The following CIMIP4 variants were observed in gnomAD, a reference collection of about 807,000 sequenced individuals.
The protein encoded by CIMIP4 is protein EAN57.
chr22:36,992,278 C>T, the CIMIP4 span, among the ~76,000 whole-genome samples: 2 of 152,072 alleles, frequency 1.3e-5, no homozygotes, highest in African/African-American at 2.4e-5. Flanking sequence ...ACCCGGGAGG[C>T]GGAGGTTGCA....
chr22:37,001,830 A>C, the CIMIP4 span: 1 of 1,561,604 alleles, frequency 6.4e-7, no homozygotes, highest in South Asian at 1.2e-5. Flanking sequence ...GGCCCCTGCT[A>C]TGACACCTGC....
chr22:36,993,733 AAAAAGAAAAG>A, the CIMIP4 span, among the ~76,000 whole-genome samples: 2 of 152,092 alleles, frequency 1.3e-5, no homozygotes, highest in African/African-American at 4.8e-5. Flanking sequence ...CATCTCAAAA[AAAAAGAAAAG>A]AAAAGAAAAG....
the CIMIP4 span, among the ~76,000 whole-genome samples, chr22:36,996,263 C>T: frequency 2.6e-5 from 4 of 152,122 alleles, no homozygotes; most frequent in East Asian, 1.9e-4. Context: ...GCCATTATTA[C>T]TATTCAAAAG....
the CIMIP4 span, chr22:36,991,431 G>T: frequency 1.9e-6 from 3 of 1,588,878 alleles, no homozygotes; most frequent in Non-Finnish European, 2.6e-6. Flanking sequence ...AACACACCCT[G>T]CTGGTGGAGG....
At chr22:36,995,249 GC>G in the CIMIP4 span, among the ~76,000 whole-genome samples, 1 of 152,230 alleles carries the variant, frequency 6.6e-6, no homozygotes, top group African/African-American at 2.4e-5. Flanking sequence ...CTACCATTCT[GC>G]CTGCTCTGTG....
chr22:37,002,187 A>T, the CIMIP4 span: 21 of 1,489,240 alleles, frequency 1.4e-5, no homozygotes, highest in Admixed American at 5.0e-5. Context: ...TGTGGGGATG[A>T]CAGACCCTGG....
chr22:36,996,273 G>C, the CIMIP4 span, among the ~76,000 whole-genome samples: 1 of 151,888 alleles, frequency 6.6e-6, no homozygotes. Flanking sequence ...CTATTCAAAA[G>C]CACTCCTAAA....
At chr22:36,999,909 C>G in the CIMIP4 span, 1 of 1,613,908 alleles carries the variant, frequency 6.2e-7, no homozygotes, top group African/African-American at 1.3e-5. Flanking sequence ...GAGATTTCCA[C>G]AGGATTCTGG....
the CIMIP4 span, chr22:37,002,246 T>G: frequency 6.9e-7 from 1 of 1,448,360 alleles, no homozygotes; most frequent in Non-Finnish European, 9.1e-7. Flanking sequence ...TTTCCAGGGG[T>G]CCAAGTCCTG....
At chr22:36,994,885 C>T in the CIMIP4 span, among the ~76,000 whole-genome samples, 1 of 152,184 alleles carries the variant, frequency 6.6e-6, no homozygotes, top group Non-Finnish European at 1.5e-5. Flanking sequence ...CCGCCTCGGC[C>T]TCCCAAAGTG....
At chr22:36,999,587 G>T in the CIMIP4 span, among the ~76,000 whole-genome samples, 2 of 56,442 alleles carry the variant, frequency 3.5e-5, no homozygotes, top group Non-Finnish European at 6.8e-5. Flanking sequence ...GGGGAGGGGG[G>T]GATGGGAGGG....
At chr22:37,002,332 GA>G in the CIMIP4 span, 1 of 1,265,680 alleles carries the variant, frequency 7.9e-7, no homozygotes, top group Non-Finnish European at 1.0e-6. Context: ...AACAGAGGGG[GA>G]GGGAGAGAGA....
chr22:37,001,388 A>T, the CIMIP4 span, among the ~76,000 whole-genome samples: 1 of 152,058 alleles, frequency 6.6e-6, no homozygotes, highest in Non-Finnish European at 1.5e-5. Context: ...ATTCAAACGC[A>T]CGTCTTCTGA....
the CIMIP4 span, chr22:37,007,735 A>G: frequency 6.6e-6 from 1 of 152,268 alleles, no homozygotes; most frequent in Non-Finnish European, 1.5e-5. Flanking sequence ...TCACCTCTCC[A>G]ATCTCTTTCA....
the CIMIP4 span, among the ~76,000 whole-genome samples, chr22:36,991,898 C>T: frequency 6.6e-6 from 1 of 152,086 alleles, no homozygotes; most frequent in Admixed American, 6.5e-5. Flanking sequence ...TAGCAAGTGG[C>T]AACTAATACC....
the CIMIP4 span, among the ~76,000 whole-genome samples, chr22:37,002,642 C>T: frequency 1.3e-5 from 2 of 152,172 alleles, no homozygotes; most frequent in African/African-American, 4.8e-5. Context: ...AGGGACTTGG[C>T]CTGTCTGTGC....
the CIMIP4 span, among the ~76,000 whole-genome samples, chr22:37,002,742 A>T: frequency 4.6e-5 from 7 of 152,192 alleles, no homozygotes; most frequent in African/African-American, 9.7e-5. Flanking sequence ...AGAATCTGGC[A>T]GCAGCGGCAC....
the CIMIP4 span, among the ~76,000 whole-genome samples, chr22:36,998,382 G>C: frequency 1.3e-5 from 2 of 152,182 alleles, no homozygotes; most frequent in Non-Finnish European, 2.9e-5. Context: ...ATCCGAGCCA[G>C]GTGGAAGAGG....
chr22:36,992,175 C>T, the CIMIP4 span, among the ~76,000 whole-genome samples: 4 of 152,034 alleles, frequency 2.6e-5, no homozygotes, highest in Admixed American at 6.6e-5. Flanking sequence ...GGTGAAACCC[C>T]GTCTCTACTA....
Sources: allele counts gnomAD v4.1 joint callset (sites outside exome capture counted in the v4.1 genomes callset), GRCh38; gene constraint gnomAD v4.1.1; transcripts MANE v1.5; gene names NCBI Gene and HGNC (gene_info 2026-07-23, HGNC 2026-07-21).